GABRQ: variants seen among roughly 807,000 people sequenced by gnomAD.
The protein encoded by GABRQ is gamma-aminobutyric acid type A receptor subunit theta, also known as gamma-aminobutyric acid receptor subunit theta.
GABRQ carries 19 observed loss-of-function variants against 30.5 expected under a neutral mutation model. The ratio of observed to expected loss-of-function variants is 0.62; its 90% CI spans 0.43 to 0.91. The LOEUF (loss-of-function observed/expected upper bound fraction) is 0.91. Among genes scored for constraint, GABRQ ranks in the 40% least tolerant of loss-of-function variants. The pLI is 0.00. For missense variants in GABRQ, 520 were observed against 521.4 expected, an observed-to-expected ratio of 1.00 and a Z score of 0.03; for synonymous variants, 187 against 210.2, an observed-to-expected ratio of 0.89 and a Z score of 0.95.
chrX:152,640,349 G>A lies in GABRQ; in HGVS notation c.150-29G>A, dbSNP rs1556818182. ...CTGGCAAGCGGGCCCCAAGTCAACC[G>A]GCATTTACTTATGACTTCTCTGTTT... On this transcript the variant is annotated intron_variant, in intron 1 of 8. Coordinates refer to ENST00000598523, the MANE Select transcript of GABRQ (RefSeq NM_018558.4). 1.1e-5 allele frequency: 11 copies of A among 1,038,719 alleles called. No homozygotes were observed. The South Asian group carries it at 1.3e-4, about 12-fold the overall frequency. 85.6% of individuals were successfully genotyped at this position (1,038,719 alleles called of 1,213,427 possible). A position where few individuals can be genotyped will look rare whatever the true frequency, so the allele number is the denominator to read the frequency against.
chrX:152,638,852 CT>C (rs1556817852), intron 1 of GABRQ, among the ~76,000 whole-genome samples: 1 of 111,505 alleles, frequency 9.0e-6, no homozygotes, highest in African/African-American at 3.3e-5. Context: ...ATGAGGGACT[CT>C]TTCCAATGCG....
At chrX:152,643,314 G>A (rs1225976706) in intron 2 of GABRQ, among the ~76,000 whole-genome samples, 2 of 112,360 alleles carry the variant, frequency 1.8e-5, no homozygotes, top group African/African-American at 6.5e-5. Flanking sequence ...TTTACTTCAC[G>A]GCTGCCATTC....
chrX:152,638,266 G>A lies in GABRQ; in HGVS notation c.64G>A (p.Glu22Lys), dbSNP rs1381582374. ...GCTGCTCATCAGGACCTGGCTCGCG[G>A]AGGGCAACTACCCCAGTCCCATCCC... The part of the protein sequence containing the change: ...ILLLIRTWLA[E>K]GNYPSPIPKF... Residue 22 changes from glutamate (E) to lysine (K), a missense_variant, in exon 1 of 9, where the codon GAG (glutamate) becomes AAG (lysine). Physicochemically the swap from Glu to Lys is moderately conservative, Grantham distance 56. Transcript: ENST00000598523. 13 of 1,209,022 alleles carry A rather than the reference G, an allele frequency of 1.1e-5. No individual in the cohort carries two copies. Among genetic ancestry groups the A allele is most frequent in the Middle Eastern group, 2.3e-4 (1 of 4,370 alleles).
Position 152,651,757 on chromosome X carries a change from A to G in GABRQ, c.1133A>G (p.Gln378Arg). 8.3e-7 allele frequency: 1 copy of G among 1,211,446 alleles called. No homozygotes were observed. The highest frequency in any genetic ancestry group is 1.7e-5 in the African/African-American group (1 of 57,900). Reference sequence around the variant, plus strand: ...AGAGTCATTGCCCGCTACCGCTACCAGCAAGTGGTGGTAGGAAACGTGCAG... The same window carrying G: ...AGAGTCATTGCCCGCTACCGCTACCGGCAAGTGGTGGTAGGAAACGTGCAG... ...PRRVIARYRY[Q>R]QVVVGNVQDG... The change falls in exon 8 of 9, where the codon CAG becomes CGG. Residue 378 changes from glutamine to arginine, a missense_variant. Physicochemically the swap from Gln to Arg is conservative, Grantham distance 43 (BLOSUM62 1). Transcript: ENST00000598523.
chrX:152,651,652 T>C lies in GABRQ; in HGVS notation c.1028T>C (p.Leu343Ser), dbSNP rs1465139660. The change falls in exon 8 of 9, where the codon TTG becomes TCG. Residue 343 changes from leucine to serine, a missense_variant. Leu to Ser is a moderately radical substitution (Grantham distance 145). Transcript: ENST00000598523. ...LVCLFFVFLS[L>S]LEYVYINYLF... ...TGCTTGTTCTTTGTGTTCCTGTCCTTGCTGGAGTATGTCTACATCAACTAT... is the reference window on the plus strand; with the variant it reads ...TGCTTGTTCTTTGTGTTCCTGTCCTCGCTGGAGTATGTCTACATCAACTAT... 8.3e-7 allele frequency: 1 copy of C among 1,211,193 alleles called. No homozygotes were observed. The highest frequency in any genetic ancestry group is 1.7e-5 in the African/African-American group (1 of 57,913).
At chrX:152,640,768 C>T (rs1004866180) in intron 2 of GABRQ, among the ~76,000 whole-genome samples, 6 of 111,918 alleles carry the variant, frequency 5.4e-5, no homozygotes, top group African/African-American at 1.6e-4. Context: ...GTACAGGATG[C>T]GGCGCGCTGT....
intron 2 of GABRQ, among the ~76,000 whole-genome samples, chrX:152,645,091 T>C (rs1216422127): frequency 1.8e-5 from 2 of 109,697 alleles, no homozygotes; most frequent in Admixed American, 9.6e-5. Flanking sequence ...CATACACTCA[T>C]ATACACAGCT....
chrX:152,658,133 G>C (rs181309615), downstream of GABRQ, among the ~76,000 whole-genome samples: 1 of 111,508 alleles, frequency 9.0e-6, no homozygotes, highest in East Asian at 2.8e-4. Flanking sequence ...AGCTCTCCAC[G>C]CACCAACTCC....
At position 152,640,437 on chromosome X, in the gene GABRQ, A is replaced by G; in HGVS notation, c.209A>G (p.Tyr70Cys). The G allele has an allele frequency of 2.5e-6, 3 of 1,193,888 alleles. No individual in the cohort carries two copies. The highest frequency in any genetic ancestry group is 2.3e-6 in the Non-Finnish European group (2 of 879,091). Residue 70 changes from tyrosine (Y) to cysteine (C), a missense_variant, in exon 2 of 9, where the codon TAC becomes TGC. Coordinates refer to ENST00000598523, the MANE Select transcript of GABRQ (RefSeq NM_018558.4). ...ATTTTGGACAGGGTGCTGTCAAGAT[A>G]CGATGTCCGCCTGAGACCGAATTTT... ...QKILDRVLSR[Y>C]DVRLRPNFGG... is the part of the protein sequence containing the mutation.
intron 1 of GABRQ, among the ~76,000 whole-genome samples, chrX:152,638,969 T>G (rs1930681740): frequency 9.0e-6 from 1 of 111,231 alleles, no homozygotes; most frequent in East Asian, 2.8e-4. Context: ...TTGTACTTAG[T>G]CGTGTGAAAA....
rs782642096 is a variant in GABRQ at position 152,652,907 on chromosome X, C to T, written c.1525C>T (p.Arg509Cys). The T allele has an allele frequency of 6.6e-6, 8 of 1,211,457 alleles. No homozygotes were observed. Among genetic ancestry groups the T allele is most frequent in the East Asian group, 5.9e-5 (2 of 33,844 alleles). ...CAATGAGAGCTTGAGCTCGGATGAG[C>T]GCCATGGCCATGGCCCCAGTGGGAA... ...DSNESLSSDE[R>C]HGHGPSGKPM... Residue 509 changes from arginine to cysteine, a missense_variant, in exon 9 of 9, where the codon CGC (arginine) becomes TGC (cysteine). Coordinates refer to ENST00000598523, the MANE Select transcript of GABRQ (RefSeq NM_018558.4).
rs782419335 is a variant in GABRQ at position 152,653,133 on chromosome X, C to A, written c.1751C>A (p.Pro584Gln). The change falls in exon 9 of 9, where the codon CCA becomes CAA. Residue 584 changes from proline (P) to glutamine (Q), a missense_variant. Pro to Gln is a moderately conservative substitution (Grantham distance 76, BLOSUM62 -1). Coordinates refer to ENST00000598523, the MANE Select transcript of GABRQ (RefSeq NM_018558.4). ...SSSESEDSCP[P>Q]SPGCSFTEGF... Reference sequence around the variant, plus strand: ...TCAGAGTCTGAGGATAGTTGCCCCCCAAGCCCTGGGTGCTCCTTCACTGAA... The same window carrying A: ...TCAGAGTCTGAGGATAGTTGCCCCCAAAGCCCTGGGTGCTCCTTCACTGAA... 11 of 1,209,887 alleles carry A rather than the reference C, an allele frequency of 9.1e-6. No individual in the cohort carries two copies. The East Asian group carries it at 2.7e-4, about 29-fold the overall frequency.
chrX:152,639,403 C>T (rs1237104743), intron 1 of GABRQ, among the ~76,000 whole-genome samples: 2 of 111,381 alleles, frequency 1.8e-5, no homozygotes, highest in African/African-American at 3.3e-5. Context: ...CACACACACA[C>T]AAACACACAC....
At chrX:152,647,477 G>C (rs1930917354) in intron 4 of GABRQ, among the ~76,000 whole-genome samples, 1 of 111,553 alleles carries the variant, frequency 9.0e-6, no homozygotes, top group South Asian at 3.8e-4. Flanking sequence ...ATGCCCCCTT[G>C]GTCAGGAAGT....
In GABRQ at chrX:152,649,752, G is replaced by A. The variant is rs781986859; in HGVS notation, c.621G>A (p.Thr207=). ...TTCTCTCCTTCCCAGATGGTTACAC[G>A]GTTGAAGACATCATATTATTCTGGG... The part of the protein sequence containing the change: ...CNLVVESYGY[T]VEDIILFWDD... The change falls in exon 6 of 9, where the codon ACG becomes ACA. Residue 207 remains threonine (T), a synonymous_variant. Coordinates refer to ENST00000598523, the MANE Select transcript of GABRQ (RefSeq NM_018558.4). 7 of 1,190,271 alleles carry A rather than the reference G, an allele frequency of 5.9e-6. No homozygotes were observed. In the Admixed American group the frequency reaches 8.7e-5, roughly 15 times the overall value.
rs1193658454 is a variant in GABRQ, at chrX:152,637,953, G to T, written c.-250G>T. 1.8e-5 allele frequency among the ~76,000 whole-genome samples: 2 copies of T among 113,333 alleles called. No individual in the cohort carries two copies. Among genetic ancestry groups the T allele is most frequent in the Non-Finnish European group, 3.8e-5 (2 of 53,324 alleles). On this transcript the variant is annotated 5_prime_UTR_variant, in exon 1 of 9. Transcript: ENST00000598523. ...ACCTCGCAGCTGCCGGGCGGGCCCT[G>T]GGGGGAGCTGCGTCCAGCAGAGCTG...
chrX:152,638,453 G>T, intron 1 of GABRQ, 102 bp downstream of exon 1: 2 of 857,076 alleles, frequency 2.3e-6, no homozygotes, highest in Admixed American at 2.7e-5. Context: ...GACTCGGGCT[G>T]GGGGGTACTC....
Position 152,653,428 on chromosome X carries a change from G to A in GABRQ, c.*147G>A, listed in dbSNP as rs1931084650. On this transcript the variant is annotated 3_prime_UTR_variant, in exon 9 of 9. Coordinates refer to ENST00000598523, the MANE Select transcript of GABRQ (RefSeq NM_018558.4). ...TTCATACTTCTCTTTATAAACATGA[G>A]GTGGGGAGTAATTGGAAAGAACATG... The A allele has an allele frequency of 8.8e-6, 4 of 453,921 alleles. No individual in the cohort carries two copies. The highest frequency in any genetic ancestry group is 7.5e-6 in the Non-Finnish European group (2 of 265,571). 37.4% of individuals were successfully genotyped at this position (453,921 alleles called of 1,213,427 possible).
intron 1 of GABRQ, among the ~76,000 whole-genome samples, chrX:152,638,899 C>A (rs1930679942): frequency 9.0e-6 from 1 of 111,724 alleles, no homozygotes; most frequent in Non-Finnish European, 1.9e-5. Context: ...CCATCGGAGC[C>A]CAGACAGTGC....
Sources: gnomAD v4.1 joint callset for allele counts (sites outside exome capture counted in the v4.1 genomes callset) on GRCh38, gnomAD v4.1.1 for gene constraint, MANE v1.5 for transcripts, NCBI Gene and HGNC (gene_info 2026-07-23, HGNC 2026-07-21) for gene names.